Variants in RSRC1 observed in about 807,000 individuals in gnomAD.
RSRC1 encodes serine/Arginine-related protein 53.
In RSRC1, 39 loss-of-function variants were observed where a neutral mutation model predicts 49.1. That is an observed-to-expected ratio of 0.79 (90% CI 0.61 to 1.04). The LOEUF (loss-of-function observed/expected upper bound fraction) is 1.04, where lower values mean the gene tolerates loss of function less well. Among genes scored for constraint, RSRC1 ranks in the 50% least tolerant of loss-of-function variants. The probability of loss-of-function intolerance (pLI) is 0.00; values close to 1 mark genes in which losing one functional copy is unlikely to be tolerated. For missense variants in RSRC1, 388 were observed against 402.4 expected, an observed-to-expected ratio of 0.96 and a Z score of 0.31; for synonymous variants, 143 against 130.8, an observed-to-expected ratio of 1.09 and a Z score of -0.63.
At chr3:158,293,396 A>C (rs1447424424) in intron 4 of RSRC1, among the ~76,000 whole-genome samples, 2 of 151,920 alleles carry the variant, frequency 1.3e-5, no homozygotes, top group Non-Finnish European at 2.9e-5. Flanking sequence ...TTTGGTCCAT[A>C]TTTGCCTGGT....
intron 4 of RSRC1, chr3:158,275,967 C>T (rs143173864): frequency 0.01 from 7,605 of 755,026 alleles, 347 homozygotes; most frequent in Admixed American, 0.095. Context: ...TGGACTGGTT[C>T]GGTGATCCAT....
intron 6 of RSRC1, among the ~76,000 whole-genome samples, chr3:158,392,664 C>A (rs1733383201): frequency 6.6e-6 from 1 of 151,908 alleles, no homozygotes; most frequent in Non-Finnish European, 1.5e-5. Context: ...CACAGGAGGA[C>A]CCAGATTCAT....
chr3:158,344,797 T>A (rs1376810562), intron 5 of RSRC1, among the ~76,000 whole-genome samples: 2 of 152,192 alleles, frequency 1.3e-5, no homozygotes, highest in Non-Finnish European at 2.9e-5. Flanking sequence ...AACAATGACA[T>A]TAATACTAAG....
chr3:158,328,826 G>T (rs1194218977), intron 5 of RSRC1, among the ~76,000 whole-genome samples: 1 of 152,204 alleles, frequency 6.6e-6, no homozygotes, highest in Non-Finnish European at 1.5e-5. Context: ...ATATCCTGAA[G>T]AGTGTTTTCC....
At chr3:158,198,861 TCCAATATTCTTCTTTATTAAGTGAA>T (rs1461843384) in intron 3 of RSRC1, among the ~76,000 whole-genome samples, 11 of 152,264 alleles carry the variant, frequency 7.2e-5, no homozygotes, top group Non-Finnish European at 1.3e-4. Flanking sequence ...GGGTTTATGA[TCCAATATTCTTCTTTATTAAGTGAA>T]CCCATTAGAG....
At chr3:158,309,379 T>A (rs116148227) in intron 5 of RSRC1, among the ~76,000 whole-genome samples, 4,052 of 151,956 alleles carry the variant, frequency 0.027, 163 homozygotes, top group African/African-American at 0.093. Flanking sequence ...GTCCTCAAAT[T>A]AATTCATTCT....
At chr3:158,282,574 A>C (rs1036091309) in intron 4 of RSRC1, among the ~76,000 whole-genome samples, 10 of 152,216 alleles carry the variant, frequency 6.6e-5, no homozygotes, top group Non-Finnish European at 1.2e-4. Context: ...GCATTATTGC[A>C]TTTTCAACTT....
intron 3 of RSRC1, among the ~76,000 whole-genome samples, chr3:158,145,709 A>C (rs1717052487): frequency 1.3e-5 from 2 of 152,268 alleles, no homozygotes; most frequent in African/African-American, 4.8e-5. Flanking sequence ...TTGAATCTAT[A>C]AATTACCTTG....
At chr3:158,321,423 G>A (rs1728753737) in intron 5 of RSRC1, among the ~76,000 whole-genome samples, 1 of 151,550 alleles carries the variant, frequency 6.6e-6, no homozygotes, top group South Asian at 2.1e-4. Context: ...GGTATATTTT[G>A]CGTGGTTTTA....
intron 6 of RSRC1, among the ~76,000 whole-genome samples, chr3:158,424,349 G>C (rs1735275517): frequency 6.6e-6 from 1 of 151,944 alleles, no homozygotes; most frequent in African/African-American, 2.4e-5. Context: ...TGTGGTTTTT[G>C]TCTTTGGTTC....
intron 6 of RSRC1, among the ~76,000 whole-genome samples, chr3:158,446,917 A>G (rs566428946): frequency 2.4e-4 from 36 of 152,110 alleles, no homozygotes; most frequent in African/African-American, 8.4e-4. Context: ...AAACTCAAAG[A>G]TTGCTCCAAA....
intron 7 of RSRC1, chr3:158,496,912 T>C: frequency 5.0e-6 from 1 of 199,686 alleles, no homozygotes; most frequent in Non-Finnish European, 1.1e-5. Flanking sequence ...CATTGACGAG[T>C]ACTTCAGATA....
At chr3:158,266,884 G>A (rs1045308581) in intron 4 of RSRC1, among the ~76,000 whole-genome samples, 2 of 151,874 alleles carry the variant, frequency 1.3e-5, no homozygotes, top group East Asian at 1.9e-4. Context: ...CTGCCTCAGC[G>A]TCCTGAGTAT....
At chr3:158,318,114 C>T (rs1728569579) in intron 5 of RSRC1, among the ~76,000 whole-genome samples, 1 of 151,900 alleles carries the variant, frequency 6.6e-6, no homozygotes, top group East Asian at 1.9e-4. Flanking sequence ...TTATGTGTGG[C>T]CCAAGGCAAT....
intron 3 of RSRC1, among the ~76,000 whole-genome samples, chr3:158,163,553 T>C (rs1033271603): frequency 6.6e-6 from 1 of 152,184 alleles, no homozygotes; most frequent in Non-Finnish European, 1.5e-5. Context: ...TTTTTTGTTA[T>C]AACAGTACAG....
intron 7 of RSRC1, among the ~76,000 whole-genome samples, chr3:158,513,421 T>C (rs952642924): frequency 5.9e-5 from 9 of 152,216 alleles, no homozygotes; most frequent in Admixed American, 5.9e-4. Context: ...ATTATATTTA[T>C]TGATTTGTAT....
chr3:158,127,520 CT>C (rs941920850), intron 3 of RSRC1, among the ~76,000 whole-genome samples: 74 of 150,044 alleles, frequency 4.9e-4, no homozygotes, highest in East Asian at 1.6e-3. Flanking sequence ...AGCATTTTTG[CT>C]TTTTTTTTAT....
intron 6 of RSRC1, among the ~76,000 whole-genome samples, chr3:158,422,874 C>G (rs1361411768): frequency 6.6e-6 from 1 of 151,730 alleles, no homozygotes; most frequent in Non-Finnish European, 1.5e-5. Flanking sequence ...TAAATGTCTT[C>G]TTTTGAGAAG....
intron 4 of RSRC1, among the ~76,000 whole-genome samples, chr3:158,289,345 T>C (rs1726775196): frequency 6.6e-6 from 1 of 152,206 alleles, no homozygotes; most frequent in East Asian, 1.9e-4. Context: ...CAGCTTCCCA[T>C]TGGAATAAGC....
Sources: allele counts gnomAD v4.1 joint callset (sites outside exome capture counted in the v4.1 genomes callset), GRCh38; gene constraint gnomAD v4.1.1; transcripts MANE v1.5; gene names NCBI Gene and HGNC (gene_info 2026-07-23, HGNC 2026-07-21).